Variants in WASL observed in about 807,000 individuals in gnomAD.
WASL encodes actin nucleation-promoting factor WASL.
WASL carries 20 observed loss-of-function variants against 55.5 expected under a neutral mutation model. The ratio of observed to expected loss-of-function variants is 0.36; its 90% confidence interval spans 0.25 to 0.52. The LOEUF (loss-of-function observed/expected upper bound fraction) is 0.52. Ranked by LOEUF, WASL falls within the 20% of genes least tolerant of loss-of-function variation. The probability of loss-of-function intolerance (pLI) is 0.92; values close to 1 mark genes in which losing one functional copy is unlikely to be tolerated. For synonymous variants in WASL, 249 were observed against 217.6 expected (o/e 1.14, Z -1.27); for missense variants, 504 against 622.5 (o/e 0.81, Z 2.03).
At chr7:123,730,695 C>T (rs1168553121) in intron 1 of WASL, among the ~76,000 whole-genome samples, 1 of 152,142 alleles carries the variant, frequency 6.6e-6, no homozygotes, top group Non-Finnish European at 1.5e-5. Flanking sequence ...TGCCAATAAT[C>T]GTATGTGAAT....
rs1195105222 is a variant in WASL at position 123,684,580 on chromosome 7, T to C, written c.1457A>G (p.Asp486Gly). 6 of 1,496,302 alleles carry C rather than the reference T, an allele frequency of 4.0e-6. No homozygotes were observed. In the South Asian group the frequency reaches 6.2e-5, roughly 16 times the overall value. The allele number at this position is 1,496,302 out of a possible 1,614,324, so 92.7% of individuals were successfully genotyped here. A position where few individuals can be genotyped will look rare whatever the true frequency, so the allele number is the denominator to read the frequency against. The change falls in exon 11 of 11, where the codon GAT becomes GGT. Residue 486 changes from aspartate (D) to glycine (G), a missense_variant and splice_region_variant. Physicochemically the swap from Asp to Gly is moderately conservative, Grantham distance 94 (BLOSUM62 -1). This residue lies in a region of WASL where 53 missense variants were observed against 69.1 expected (regional missense o/e 0.77). Coordinates refer to ENST00000223023, the MANE Select transcript of WASL (RefSeq NM_003941.4). Reference protein sequence around the residue: ...QKRSKAIHSSDEDEDEDDEED... With the variant: ...QKRSKAIHSSGEDEDEDDEED... The stretch of plus-strand genomic sequence containing the variant: ...TTCATCATCTTCATCTTCATCTTCA[T>C]CTACAAGAAAATCAAGACAATTAAA...
rs1384422654 is a variant in WASL, at chr7:123,748,721, T to A, written c.14A>T (p.Gln5Leu). 1.3e-6 allele frequency: 2 copies of A among 1,590,334 alleles called. No homozygotes were observed. Among genetic ancestry groups the A allele is most frequent in the African/African-American group, 2.8e-5 (2 of 72,050 alleles). Residue 5 changes from glutamine to leucine, a missense_variant, in exon 1 of 11, where the codon CAG (glutamine) becomes CTG (leucine). Physicochemically the swap from Gln to Leu is moderately radical, Grantham distance 113 (BLOSUM62 -2). Transcript: ENST00000223023. MSSVQQQPPPPRRVT... is the reference protein window; with the variant it reads MSSVLQQPPPPRRVT... ...CCTCCGCGGCGGCGGCGGCTGCTGC[T>A]GGACGGAGCTCATGGTTTCGCCGGC...
At chr7:123,695,905 C>T (rs752921615) in intron 6 of WASL, 40 bp from the exon 7 acceptor site, 3 of 1,590,316 alleles carry the variant, frequency 1.9e-6, no homozygotes, top group Non-Finnish European at 2.6e-6. Flanking sequence ...AAACAAAATG[C>T]ATAAAGGGCA....
chr7:123,722,100 A>G (rs1009056772), intron 1 of WASL, among the ~76,000 whole-genome samples: 3 of 152,150 alleles, frequency 2.0e-5, no homozygotes, highest in Admixed American at 2.0e-4. Context: ...GGTCACCACT[A>G]GCCACAATGG....
At chr7:123,731,755 G>T (rs1312568855) in intron 1 of WASL, among the ~76,000 whole-genome samples, 1 of 152,112 alleles carries the variant, frequency 6.6e-6, no homozygotes, top group Non-Finnish European at 1.5e-5. Context: ...AGATGAAAAT[G>T]TAACTCATGA....
At chr7:123,693,239 AAAAT>A (rs1267273048) in intron 8 of WASL, among the ~76,000 whole-genome samples, 8 of 152,220 alleles carry the variant, frequency 5.3e-5, no homozygotes, top group Non-Finnish European at 8.8e-5. Flanking sequence ...CATTTTAATA[AAAAT>A]AAATACCTTC....
At position 123,700,207 on chromosome 7, in the gene WASL, AC is replaced by A. The variant is rs1399770572; in HGVS notation, c.461-3461del. ...AAAAAAAAAAAAAAAAAAAAAAAAA[AC>A]AACATTATTTAAGTAAGACTATAAA... On this transcript the variant is annotated intron_variant, in intron 5 of 10. Coordinates refer to ENST00000223023, the MANE Select transcript of WASL (RefSeq NM_003941.4). Among the ~76,000 whole-genome samples the A allele has an allele frequency of 3.9e-3, 237 of 60,356 alleles. 5 individuals are homozygous for A. The highest frequency in any genetic ancestry group is 7.8e-3 in the East Asian group (15 of 1,914). 39.6% of individuals were successfully genotyped at this position (60,356 alleles called of 152,430 possible).
intron 1 of WASL, among the ~76,000 whole-genome samples, chr7:123,747,445 A>AAG (rs1446483032): frequency 6.6e-6 from 1 of 152,252 alleles, no homozygotes; most frequent in East Asian, 1.9e-4. Context: ...CGGATGGCAC[A>AAG]AGATACAAAG....
chr7:123,710,764 G>T (rs768640697), intron 1 of WASL, among the ~76,000 whole-genome samples: 3 of 152,104 alleles, frequency 2.0e-5, no homozygotes, highest in Non-Finnish European at 2.9e-5. Flanking sequence ...TGGGACACTG[G>T]GTTTCAAAGA....
chr7:123,699,164 T>C (rs1803537718), intron 5 of WASL, among the ~76,000 whole-genome samples: 2 of 152,236 alleles, frequency 1.3e-5, no homozygotes, highest in African/African-American at 4.8e-5. Flanking sequence ...GGCGGGCAGA[T>C]CATGAGGTCA....
rs781446295 is a variant in WASL, at chr7:123,695,881, G to GA, written c.630-17dup. On this transcript the variant is annotated splice_polypyrimidine_tract_variant and intron_variant, in intron 6 of 10. Coordinates refer to ENST00000223023, the MANE Select transcript of WASL (RefSeq NM_003941.4). ...TCCAATGTGCCTGAAGTAGAAAATA[G>GA]AAAAAAAATAGAAAAACAAAATGCA... 73 of 1,608,224 alleles carry GA rather than the reference G, an allele frequency of 4.5e-5. No homozygotes were observed. Among genetic ancestry groups the GA allele is most frequent in the Admixed American group, 1.0e-4 (6 of 59,652 alleles).
At position 123,688,485 on chromosome 7, in the gene WASL, C is replaced by T. The variant is rs189132404; in HGVS notation, c.1456+557G>A. Among the ~76,000 whole-genome samples, 964 of 152,170 alleles carry T rather than the reference C, an allele frequency of 6.3e-3. 9 individuals are homozygous for T. The highest frequency in any genetic ancestry group is 0.021 in the African/African-American group (887 of 41,516). ...AAGCAATTCTCCTGCCTCAGCCTCC[C>T]GAGTAGCTGGAATTACAGGCATGCG... On this transcript the variant is annotated intron_variant, in intron 10 of 10. Coordinates refer to ENST00000223023, the MANE Select transcript of WASL (RefSeq NM_003941.4).
chr7:123,717,637 T>C (rs1275707596), intron 1 of WASL, among the ~76,000 whole-genome samples: 1 of 152,196 alleles, frequency 6.6e-6, no homozygotes, highest in Non-Finnish European at 1.5e-5. Flanking sequence ...AGATGTAAAG[T>C]TCTCCCCAGG....
Position 123,689,034 on chromosome 7 carries a change from CT to C in WASL, c.1456+7del. Reference sequence around the variant, plus strand: ...TCTCTCTCTCTCTCTCTCTCTCTCTCTCTCTACCTGAAGAATGAATGGCTTT... The same window carrying C: ...TCTCTCTCTCTCTCTCTCTCTCTCTCCTCTACCTGAAGAATGAATGGCTTT... On this transcript the variant is annotated splice_region_variant and intron_variant, in intron 10 of 10. Transcript: ENST00000223023. 3 of 1,587,134 alleles carry C rather than the reference CT, an allele frequency of 1.9e-6. No individual in the cohort carries two copies. The highest frequency in any genetic ancestry group is 2.6e-6 in the Non-Finnish European group (3 of 1,158,140).
Position 123,683,157 on chromosome 7 carries a change from A to G in WASL, c.*1362T>C, listed in dbSNP as rs977215982. ...AGTAATGAAATACATTTGGAACTAC[A>G]TTATGCATATTACTCAATGTGAGAA... On this transcript the variant is annotated 3_prime_UTR_variant, in exon 11 of 11. Transcript: ENST00000223023. 11 of 152,048 alleles carry G rather than the reference A, an allele frequency of 7.2e-5. No individual in the cohort carries two copies. Among genetic ancestry groups the G allele is most frequent in the Admixed American group, 7.2e-4 (11 of 15,244 alleles). The allele number at this position is 152,048 out of a possible 1,614,324, so 9.4% of individuals were successfully genotyped here.
At chr7:123,727,625 T>C (rs144738448) in intron 1 of WASL, among the ~76,000 whole-genome samples, 15 of 152,132 alleles carry the variant, frequency 9.9e-5, no homozygotes, top group African/African-American at 2.2e-4. Context: ...CAGAAAGTGA[T>C]TGCAAAGGGT....
intron 5 of WASL, among the ~76,000 whole-genome samples, chr7:123,698,263 A>T (rs931785407): frequency 7.9e-5 from 12 of 151,998 alleles, no homozygotes; most frequent in Non-Finnish European, 1.8e-4. Context: ...AGGCTAATGT[A>T]TATTAGTTGA....
chr7:123,686,098 C>T (rs1803283729), intron 10 of WASL, among the ~76,000 whole-genome samples: 1 of 151,208 alleles, frequency 6.6e-6, no homozygotes, highest in Non-Finnish European at 1.5e-5. Context: ...AGTACTGGAG[C>T]TCTAGTATTA....
chr7:123,715,705 T>C (rs1488928140), intron 1 of WASL, among the ~76,000 whole-genome samples: 5 of 152,206 alleles, frequency 3.3e-5, no homozygotes, highest in Non-Finnish European at 5.9e-5. Flanking sequence ...GAAAGGTGTG[T>C]GCTACACAGC....
Sources: allele counts gnomAD v4.1 joint callset (sites outside exome capture counted in the v4.1 genomes callset), GRCh38; gene constraint gnomAD v4.1.1; regional missense constraint gnomAD v4.1.1; transcripts MANE v1.5; gene names NCBI Gene and HGNC (gene_info 2026-07-23, HGNC 2026-07-21).